DLG5: variants seen among roughly 807,000 people sequenced by gnomAD.
DLG5 encodes discs large MAGUK scaffold protein 5, also known as disks large homolog 5.
A neutral mutation model predicts 189.8 loss-of-function variants in DLG5; 48 were observed. The observed-to-expected ratio is 0.25, with a 90% confidence interval of 0.20 to 0.32. DLG5 has a LOEUF of 0.32. DLG5 is among the 10% of genes least tolerant of loss of function. The pLI is 1.00. For missense variants in DLG5, 2,160 were observed against 2,544.7 expected (o/e 0.85, Z 3.25); for synonymous variants, 1,016 against 1,054.1 (o/e 0.96, Z 0.70).
chr10:77,849,878 TAAAC>T (rs1843879316), intron 5 of DLG5, among the ~76,000 whole-genome samples: 1 of 152,206 alleles, frequency 6.6e-6, no homozygotes, highest in Non-Finnish European at 1.5e-5. Flanking sequence ...TATTTTCAAT[TAAAC>T]AATTTCTTGT....
chr10:77,848,656 T>G (rs1310856909), intron 5 of DLG5, among the ~76,000 whole-genome samples: 1 of 152,052 alleles, frequency 6.6e-6, no homozygotes. Flanking sequence ...AGGACCTTTT[T>G]GTATGTGCAA....
rs11002321 is a variant in DLG5, at chr10:77,879,860, C to A, written c.305-10663G>T. Among the ~76,000 whole-genome samples, 158 of 151,888 alleles carry A rather than the reference C, an allele frequency of 1.0e-3. 1 individual carries two copies. The East Asian group carries it at 0.029, about 28-fold the overall frequency. ...TGAGTTCCCGCGGGGCCTGGTCATGCGTGAGGTGCCTACAGACACACAAGG... is the reference window on the plus strand; with the variant it reads ...TGAGTTCCCGCGGGGCCTGGTCATGAGTGAGGTGCCTACAGACACACAAGG... On this transcript the variant is annotated intron_variant, in intron 1 of 31. Transcript: ENST00000372391.
At chr10:77,817,625 A>T (rs1298381034) in intron 18 of DLG5, 152 bp downstream of exon 18, 1 of 672,302 alleles carries the variant, frequency 1.5e-6, no homozygotes, top group African/African-American at 1.8e-5. Context: ...CCCATGAAGG[A>T]AGCAGCCCTT....
intron 1 of DLG5, among the ~76,000 whole-genome samples, chr10:77,914,194 G>C (rs1173027554): frequency 1.3e-5 from 2 of 152,198 alleles, no homozygotes; most frequent in African/African-American, 4.8e-5. Context: ...GAATTGTGAA[G>C]GTGTCTTTTG....
chr10:77,930,169 A>G (rs1013126666), upstream of DLG5, among the ~76,000 whole-genome samples: 2 of 152,038 alleles, frequency 1.3e-5, no homozygotes, highest in African/African-American at 4.8e-5. Context: ...CTCATTTGTC[A>G]AAAACAGGCT....
Position 77,895,250 on chromosome 10 carries a change from A to G in DLG5, c.305-26053T>C, listed in dbSNP as rs374410764. Among the ~76,000 whole-genome samples, 180 of 151,880 alleles carry G rather than the reference A, an allele frequency of 1.2e-3. 1 individual carries two copies. The highest frequency in any genetic ancestry group is 4.1e-3 in the African/African-American group (169 of 41,432). On this transcript the variant is annotated intron_variant, in intron 1 of 31. Coordinates refer to ENST00000372391, the MANE Select transcript of DLG5 (RefSeq NM_004747.4). ...CTGTCCCCGCCAATGCCGTTTCACTACTCACGCCCCTTCTCCTTCCTCCCC... is the reference window on the plus strand; with the variant it reads ...CTGTCCCCGCCAATGCCGTTTCACTGCTCACGCCCCTTCTCCTTCCTCCCC...
At chr10:77,911,701 A>G (rs1846225802) in intron 1 of DLG5, among the ~76,000 whole-genome samples, 1 of 152,084 alleles carries the variant, frequency 6.6e-6, no homozygotes, top group Admixed American at 6.6e-5. Flanking sequence ...GGCAGGGAAA[A>G]CACACCCTGG....
intron 24 of DLG5, among the ~76,000 whole-genome samples, chr10:77,809,149 A>G (rs1204672056): frequency 7.1e-6 from 1 of 140,804 alleles, no homozygotes; most frequent in Non-Finnish European, 1.5e-5. Context: ...GCTCATGCCT[A>G]TAATCACAGC....
intron 26 of DLG5, 40 bp downstream of exon 26, chr10:77,806,718 A>ACGGCC: frequency 1.5e-6 from 2 of 1,333,652 alleles, no homozygotes; most frequent in Non-Finnish European, 1.1e-6. Context: ...GCCCTCGGCG[A>ACGGCC]CCCCTGCCCC....
At position 77,819,341 on chromosome 10, in the gene DLG5, G is replaced by A. The variant is rs1205699804; in HGVS notation, c.3651C>T (p.Gly1217=). The part of the protein sequence containing the change: ...CSSPPAARDA[G]PQGLHPSVQH... Reference sequence around the variant, plus strand: ...CATACCTGGGATGCAAACCCTGGGGGCCAGCATCTCGGGCCGCAGGTGGAG... The same window carrying A: ...CATACCTGGGATGCAAACCCTGGGGACCAGCATCTCGGGCCGCAGGTGGAG... Residue 1217 remains glycine, a synonymous_variant, in exon 17 of 32, where the codon GGC becomes GGT. Coordinates refer to ENST00000372391, the MANE Select transcript of DLG5 (RefSeq NM_004747.4). 1.2e-6 allele frequency: 2 copies of A among 1,613,946 alleles called. No homozygotes were observed. Among genetic ancestry groups the A allele is most frequent in the Non-Finnish European group, 8.5e-7 (1 of 1,180,022 alleles).
chr10:77,838,154 C>T (rs573372533), intron 7 of DLG5, among the ~76,000 whole-genome samples: 1 of 152,330 alleles, frequency 6.6e-6, no homozygotes, highest in South Asian at 2.1e-4. Context: ...AGCTCAGCTC[C>T]TCAAGCAGGA....
rs571554479 is a variant in DLG5, at chr10:77,803,993, C to G, written c.5164+1672G>C. ...CAGCTCTTGACCTCCCAGGCTGAAGCTATCTTCCTGCCTCAGCCTCTTCGG... is the reference window on the plus strand; with the variant it reads ...CAGCTCTTGACCTCCCAGGCTGAAGGTATCTTCCTGCCTCAGCCTCTTCGG... On this transcript the variant is annotated intron_variant, in intron 27 of 31. Transcript: ENST00000372391. 2.7e-5 allele frequency among the ~76,000 whole-genome samples: 4 copies of G among 150,792 alleles called. No individual in the cohort carries two copies. The East Asian group carries it at 7.9e-4, about 30-fold the overall frequency.
chr10:77,924,551 T>C (rs60846641), intron 1 of DLG5, among the ~76,000 whole-genome samples: 14,449 of 152,252 alleles, frequency 0.095, 1,378 homozygotes, highest in East Asian at 0.26. Flanking sequence ...TCTTAACTTC[T>C]TCATTCAGAG....
In DLG5 at chr10:77,821,472, G is replaced by C; in HGVS notation, c.3012C>G (p.Ser1004=). The change falls in exon 15 of 32, where the codon TCC becomes TCG. Residue 1004 remains serine (S), a synonymous_variant. Coordinates refer to ENST00000372391, the MANE Select transcript of DLG5 (RefSeq NM_004747.4). ...GPGPAHSPQP[S]KRAGPLTPPK... Reference sequence around the variant, plus strand: ...GGGGTGTCAGAGGCCCCGCCCTCTTGGAGGGCTGGGGAGAGTGAGCAGGCC... The same window carrying C: ...GGGGTGTCAGAGGCCCCGCCCTCTTCGAGGGCTGGGGAGAGTGAGCAGGCC... 6.2e-7 allele frequency: 1 copy of C among 1,612,930 alleles called. No individual in the cohort carries two copies. The highest frequency in any genetic ancestry group is 8.5e-7 in the Non-Finnish European group (1 of 1,179,972).
chr10:77,876,471 T>G (rs1446191649), intron 1 of DLG5, among the ~76,000 whole-genome samples: 2 of 151,052 alleles, frequency 1.3e-5, no homozygotes, highest in African/African-American at 4.9e-5. Flanking sequence ...ACCTCCCAGG[T>G]TCAAGCTATT....
Position 77,807,908 on chromosome 10 carries a change from C to T in DLG5, c.4684G>A (p.Glu1562Lys). The T allele has an allele frequency of 2.5e-6, 4 of 1,614,232 alleles. No homozygotes were observed. Among genetic ancestry groups the T allele is most frequent in the Non-Finnish European group, 3.4e-6 (4 of 1,180,042 alleles). Residue 1562 changes from glutamate (E) to lysine (K), a missense_variant, in exon 25 of 32, where the codon GAA (glutamate) becomes AAA (lysine). Physicochemically the swap from Glu to Lys is moderately conservative, Grantham distance 56. Coordinates refer to ENST00000372391, the MANE Select transcript of DLG5 (RefSeq NM_004747.4). Reference sequence around the variant, plus strand: ...GGCTTCAGCATCTCCACATAGACTTCCTCCACTGTCTTGTTCCGCACGTCC... The same window carrying T: ...GGCTTCAGCATCTCCACATAGACTTTCTCCACTGTCTTGTTCCGCACGTCC... Reference protein sequence around the residue: ...SLDVRNKTVEEVYVEMLKPRD... With the variant: ...SLDVRNKTVEKVYVEMLKPRD...
rs931692281 is a variant in DLG5 at position 77,794,930 on chromosome 10, G to A, written c.5465C>T (p.Pro1822Leu). ...GTGGTGGAGCCGCTCAATAGCGTGC[G>A]GAGCAATGTCCAGGAGGCAGTGTCG... ...KNRHCLLDIAPHAIERLHHMH... is the reference protein window; with the variant it reads ...KNRHCLLDIALHAIERLHHMH... Residue 1822 changes from proline (P) to leucine (L), a missense_variant, in exon 30 of 32, where the codon CCG (proline) becomes CTG (leucine). Physicochemically the swap from Pro to Leu is moderately conservative, Grantham distance 98. This residue lies in a region of DLG5 where 574 missense variants were observed against 644.2 expected (regional missense o/e 0.89). Coordinates refer to ENST00000372391, the MANE Select transcript of DLG5 (RefSeq NM_004747.4). The A allele has an allele frequency of 1.2e-6, 2 of 1,613,882 alleles. No homozygotes were observed. Among genetic ancestry groups the A allele is most frequent in the East Asian group, 2.2e-5 (1 of 44,866 alleles).
intron 2 of DLG5, among the ~76,000 whole-genome samples, chr10:77,857,390 C>A (rs1462167835): frequency 6.6e-6 from 1 of 152,242 alleles, no homozygotes; most frequent in African/African-American, 2.4e-5. Flanking sequence ...AGGGCCGTGT[C>A]CCCGCCCTCC....
intron 24 of DLG5, 44 bp downstream of exon 24, chr10:77,809,503 G>A (rs777101756): frequency 6.4e-7 from 1 of 1,572,892 alleles, no homozygotes; most frequent in East Asian, 2.3e-5. Flanking sequence ...AGCCCACTGT[G>A]CAGGTAGATG....
Sources: gnomAD v4.1 joint callset for allele counts (sites outside exome capture counted in the v4.1 genomes callset) on GRCh38, gnomAD v4.1.1 for gene constraint, gnomAD v4.1.1 regional missense constraint, MANE v1.5 for transcripts, NCBI Gene and HGNC (gene_info 2026-07-23, HGNC 2026-07-21) for gene names.